COL21A1: variants seen among roughly 807,000 people sequenced by gnomAD.
The protein encoded by COL21A1 is collagen alpha-1(XXI) chain.
A neutral mutation model predicts 137.9 loss-of-function variants in COL21A1; 149 were observed. The observed-to-expected ratio is 1.08, with a 90% confidence interval of 0.95 to 1.24. The LOEUF is 1.24. Among genes scored for constraint, COL21A1 ranks in the 50% most tolerant of loss-of-function variants. The pLI, the probability that COL21A1 is intolerant of heterozygous loss-of-function variation, is 0.00. For synonymous variants in COL21A1, 456 were observed against 391.5 expected, an observed-to-expected ratio of 1.16 and a Z score of -1.95; for missense variants, 1,167 against 1,158.4, an observed-to-expected ratio of 1.01 and a Z score of -0.11.
chr6:56,369,079 C>G (rs1766165375), intron 1 of COL21A1, among the ~76,000 whole-genome samples: 1 of 152,070 alleles, frequency 6.6e-6, no homozygotes, highest in African/African-American at 2.4e-5. Flanking sequence ...AGAGTATCTA[C>G]TATTAGCTGA....
chr6:56,149,952 T>C (rs955274627), intron 10 of COL21A1, among the ~76,000 whole-genome samples: 1 of 152,168 alleles, frequency 6.6e-6, no homozygotes, highest in Non-Finnish European at 1.5e-5. Flanking sequence ...AGTTACTCCA[T>C]TGCTCACTCC....
At chr6:56,299,590 T>C (rs1764235369) in intron 1 of COL21A1, among the ~76,000 whole-genome samples, 1 of 152,102 alleles carries the variant, frequency 6.6e-6, no homozygotes, top group Non-Finnish European at 1.5e-5. Context: ...CAGACTCATA[T>C]GAAAAAAAGA....
chr6:56,309,994 C>T (rs1764570344), intron 1 of COL21A1, among the ~76,000 whole-genome samples: 1 of 152,068 alleles, frequency 6.6e-6, no homozygotes, highest in East Asian at 1.9e-4. Flanking sequence ...GTGAATTTTT[C>T]CAAGACAAAA....
chr6:56,174,927 A>G (rs1026418906), intron 3 of COL21A1, among the ~76,000 whole-genome samples: 3 of 152,120 alleles, frequency 2.0e-5, no homozygotes, highest in African/African-American at 7.2e-5. Context: ...AACAAACTGA[A>G]TTTAACAGCA....
intron 12 of COL21A1, among the ~76,000 whole-genome samples, chr6:56,130,701 A>C (rs961216942): frequency 2.0e-5 from 3 of 152,310 alleles, no homozygotes; most frequent in Admixed American, 1.3e-4. Context: ...TATGTGCCGA[A>C]GGAAGATTTT....
intron 1 of COL21A1, among the ~76,000 whole-genome samples, chr6:56,366,412 A>G (rs1046260683): frequency 1.3e-5 from 2 of 152,174 alleles, no homozygotes; most frequent in Non-Finnish European, 2.9e-5. Flanking sequence ...GGTTGGGATC[A>G]TGTCAATTCT....
chr6:56,202,200 A>C (rs947476864), intron 1 of COL21A1, among the ~76,000 whole-genome samples: 7 of 152,164 alleles, frequency 4.6e-5, no homozygotes, highest in Non-Finnish European at 8.8e-5. Flanking sequence ...AAGGTAACTA[A>C]AGAGTATACC....
intron 1 of COL21A1, among the ~76,000 whole-genome samples, chr6:56,240,816 T>G (rs1782259513): frequency 6.6e-6 from 1 of 152,174 alleles, no homozygotes; most frequent in African/African-American, 2.4e-5. Context: ...TGGCCTTTAT[T>G]TAGTATTTGA....
intron 16 of COL21A1, among the ~76,000 whole-genome samples, chr6:56,114,508 C>T (rs1305096475): frequency 2.0e-5 from 3 of 152,040 alleles, no homozygotes; most frequent in African/African-American, 4.8e-5. Context: ...AAAAAGTGGG[C>T]GAAGGACATG....
intron 12 of COL21A1, among the ~76,000 whole-genome samples, chr6:56,139,966 A>G (rs1466791429): frequency 6.6e-6 from 1 of 152,182 alleles, no homozygotes; most frequent in East Asian, 1.9e-4. Context: ...TAAGCCCAGA[A>G]AAGTCAAGTA....
In COL21A1 at chr6:56,322,884, C is replaced by A. The variant is rs557435561; in HGVS notation, c.-39+71087G>T. On this transcript the variant is annotated intron_variant, in intron 1 of 28. Transcript: ENST00000370819. Reference sequence around the variant, plus strand: ...ATGGATCAAAACCATCCTCTGCTATCAAAAAAAAAAAAAAAAAGTCAAGTC... The same window carrying A: ...ATGGATCAAAACCATCCTCTGCTATAAAAAAAAAAAAAAAAAAGTCAAGTC... Among the ~76,000 whole-genome samples, 434 of 129,700 alleles carry A rather than the reference C, an allele frequency of 3.3e-3. 1 individual carries two copies. The highest frequency in any genetic ancestry group is 9.6e-3 in the African/African-American group (313 of 32,468). The allele number at this position is 129,700 out of a possible 152,430, so 85.1% of individuals were successfully genotyped here. A position where few individuals can be genotyped will look rare whatever the true frequency, so the allele number is the denominator to read the frequency against.
chr6:56,249,569 G>C (rs748295338), upstream of COL21A1, among the ~76,000 whole-genome samples: 6 of 152,178 alleles, frequency 3.9e-5, no homozygotes, highest in Non-Finnish European at 7.3e-5. Context: ...AATCATGGTT[G>C]AACCTGAGCA....
At chr6:56,067,222 A>G (rs1174677381) in intron 23 of COL21A1, 73 bp downstream of exon 23, 2 of 1,232,686 alleles carry the variant, frequency 1.6e-6, no homozygotes, top group Non-Finnish European at 2.3e-6. Context: ...AAAGGAATTT[A>G]AAAGTAAAAT....
At chr6:56,304,571 T>G (rs141615621) in intron 1 of COL21A1, among the ~76,000 whole-genome samples, 11,365 of 152,296 alleles carry the variant, frequency 0.075, 555 homozygotes, top group Non-Finnish European at 0.11. Flanking sequence ...GTGGGATCAG[T>G]GGTGATATCC....
At chr6:56,338,066 G>A (rs1394335519) in intron 1 of COL21A1, among the ~76,000 whole-genome samples, 5 of 149,736 alleles carry the variant, frequency 3.3e-5, no homozygotes, top group Admixed American at 2.7e-4. Context: ...GGGTTCAAGC[G>A]ATTCTCCTGC....
intron 5 of COL21A1, 106 bp from the exon 6 acceptor site, chr6:56,168,403 C>A (rs1776764823): frequency 3.4e-6 from 3 of 876,498 alleles, no homozygotes; most frequent in South Asian, 2.9e-5. Context: ...AACTTCATCC[C>A]ACACAGACTG....
chr6:56,104,187 CAT>C (rs1770685164), intron 16 of COL21A1, among the ~76,000 whole-genome samples: 1 of 152,004 alleles, frequency 6.6e-6, no homozygotes, highest in South Asian at 2.1e-4. Context: ...TAGTGCCAAA[CAT>C]AATATAAAAC....
At chr6:56,101,751 A>G (rs187704764) in intron 16 of COL21A1, among the ~76,000 whole-genome samples, 1 of 148,152 alleles carries the variant, frequency 6.7e-6, no homozygotes, top group Non-Finnish European at 1.5e-5. Context: ...GCAGATAATT[A>G]AGTTATTAAA....
chr6:56,085,852 T>TA (rs1297825246), intron 17 of COL21A1, among the ~76,000 whole-genome samples: 2 of 150,910 alleles, frequency 1.3e-5, no homozygotes, highest in East Asian at 3.9e-4. Context: ...TCTTTATATA[T>TA]TTTTTTCAAG....
Sources: allele counts gnomAD v4.1 joint callset (sites outside exome capture counted in the v4.1 genomes callset), GRCh38; gene constraint gnomAD v4.1.1; transcripts MANE v1.5; gene names NCBI Gene and HGNC (gene_info 2026-07-23, HGNC 2026-07-21).